TRPM3: variants seen among roughly 807,000 people sequenced by gnomAD.
The protein encoded by TRPM3 is long transient receptor potential channel 3.
In TRPM3, 77 loss-of-function variants were observed where a neutral mutation model predicts 181.2. The observed-to-expected ratio is 0.42, with a 90% CI of 0.35 to 0.51. TRPM3 has a LOEUF of 0.51. Ranked by LOEUF, TRPM3 falls within the 20% of genes least tolerant of loss-of-function variation. The pLI is 0.01. For synonymous variants in TRPM3, 745 were observed against 796.4 expected (o/e 0.94, Z 1.09); for missense variants, 1,759 against 2,196.7 (o/e 0.80, Z 3.98).
At chr9:71,113,236 G>C (rs1441258901) in intron 1 of TRPM3, among the ~76,000 whole-genome samples, 1 of 152,086 alleles carries the variant, frequency 6.6e-6, no homozygotes, top group Non-Finnish European at 1.5e-5. Context: ...GACTGATTTT[G>C]GGAACTAGGA....
rs536792227 is a variant in TRPM3 at position 70,695,175 on chromosome 9, C to T, written c.1273-13597G>A. Among the ~76,000 whole-genome samples, 11 of 152,296 alleles carry T rather than the reference C, an allele frequency of 7.2e-5. No homozygotes were observed. In the South Asian group the frequency reaches 1.7e-3, roughly 23 times the overall value. The stretch of plus-strand genomic sequence containing the variant: ...TGGCTCAGAGAGGACAGATTGTGTA[C>T]GGAGCATGGACTTTTGAATCATACA... On this transcript the variant is annotated intron_variant, in intron 8 of 25. Transcript: ENST00000677713.
At chr9:70,785,729 T>C (rs1001170311) in intron 6 of TRPM3, among the ~76,000 whole-genome samples, 5 of 152,224 alleles carry the variant, frequency 3.3e-5, no homozygotes, top group Admixed American at 6.5e-5. Flanking sequence ...AAAGCATAAA[T>C]ACTTTAGTCT....
intron 1 of TRPM3, among the ~76,000 whole-genome samples, chr9:71,211,539 G>T (rs2079508142): frequency 6.6e-6 from 1 of 152,072 alleles, no homozygotes; most frequent in Admixed American, 6.6e-5. Flanking sequence ...AGTTTGAGAG[G>T]CTAGAAGTCC....
chr9:71,278,398 GGGAAA>G (rs2084391374), intron 1 of TRPM3, among the ~76,000 whole-genome samples: 1 of 152,192 alleles, frequency 6.6e-6, no homozygotes, highest in African/African-American at 2.4e-5. Flanking sequence ...AAAGGAGTTA[GGGAAA>G]GGTAAGAGCA....
At chr9:71,412,747 G>A (rs924734967) in intron 1 of TRPM3, among the ~76,000 whole-genome samples, 1 of 151,976 alleles carries the variant, frequency 6.6e-6, no homozygotes, top group Admixed American at 6.6e-5. Context: ...CCCATTACTG[G>A]GTATATACCC....
intron 1 of TRPM3, among the ~76,000 whole-genome samples, chr9:71,394,475 A>G (rs548263585): frequency 1.3e-5 from 2 of 152,354 alleles, no homozygotes; most frequent in African/African-American, 4.8e-5. Flanking sequence ...CTAAAGATAC[A>G]TGGAGACTAC....
intron 1 of TRPM3, among the ~76,000 whole-genome samples, chr9:71,188,226 C>G (rs1465113661): frequency 6.6e-6 from 1 of 151,878 alleles, no homozygotes; most frequent in African/African-American, 2.4e-5. Flanking sequence ...CCAATTTATA[C>G]TTCTGGCAGT....
intron 1 of TRPM3, among the ~76,000 whole-genome samples, chr9:71,221,406 G>T (rs1292991287): frequency 6.6e-6 from 1 of 152,008 alleles, no homozygotes; most frequent in Non-Finnish European, 1.5e-5. Context: ...AAATTTCTAG[G>T]AGCCAAATAA....
chr9:70,634,741 T>C (rs1222812294), intron 12 of TRPM3, among the ~76,000 whole-genome samples: 2 of 152,156 alleles, frequency 1.3e-5, no homozygotes, highest in Non-Finnish European at 2.9e-5. Flanking sequence ...GTTAGAAGAA[T>C]GGAATGCATA....
At chr9:70,992,614 G>A (rs758062369) in intron 1 of TRPM3, among the ~76,000 whole-genome samples, 12 of 152,194 alleles carry the variant, frequency 7.9e-5, no homozygotes, top group African/African-American at 1.2e-4. Context: ...AGCCATATGT[G>A]TGTACTGAGC....
intron 22 of TRPM3, among the ~76,000 whole-genome samples, chr9:70,562,046 G>A (rs192263982): frequency 1.3e-5 from 2 of 152,220 alleles, no homozygotes; most frequent in East Asian, 3.8e-4. Flanking sequence ...TTATTTTGTG[G>A]TTATCCTCTA....
intron 1 of TRPM3, among the ~76,000 whole-genome samples, chr9:70,998,184 CATATATACACATATATACAT>C (rs1353197989): frequency 1.4e-5 from 2 of 143,296 alleles, no homozygotes; most frequent in Non-Finnish European, 3.0e-5. Context: ...CATATATATA[CATATATACACATATATACAT>C]ATATATACAC....
chr9:71,377,506 A>T (rs1433604549), intron 1 of TRPM3, among the ~76,000 whole-genome samples: 1 of 152,044 alleles, frequency 6.6e-6, no homozygotes, highest in Admixed American at 6.6e-5. Flanking sequence ...GAACCAACTT[A>T]CCATGAGACA....
At chr9:71,043,409 T>A (rs1379648397) in intron 1 of TRPM3, among the ~76,000 whole-genome samples, 1 of 152,168 alleles carries the variant, frequency 6.6e-6, no homozygotes, top group African/African-American at 2.4e-5. Context: ...TAGCAAGAAA[T>A]GACTAGTGAT....
chr9:70,776,619 C>T, intron 7 of TRPM3: 1 of 544,066 alleles, frequency 1.8e-6, no homozygotes, highest in Non-Finnish European at 3.2e-6. Flanking sequence ...TATGGCACAG[C>T]TTGCTTTTCA....
At chr9:70,846,726 T>G in intron 3 of TRPM3, 135 bp from the exon 4 acceptor site, 1 of 662,152 alleles carries the variant, frequency 1.5e-6, no homozygotes, top group Non-Finnish European at 2.6e-6. Context: ...TTAAAAGGGG[T>G]GATCATTTGC....
exon 1 of TRPM3, chr9:71,446,823 A>G (rs2094210437): frequency 6.5e-7 from 1 of 1,544,994 alleles, no homozygotes; most frequent in Non-Finnish European, 8.7e-7. Context: ...GCATCCCTCC[A>G]CTTCTTCCCC....
rs1588984553 is a variant in TRPM3, at chr9:70,831,983, A to ATATATT, written c.802-3966_802-3965insAATATA. Among the ~76,000 whole-genome samples, 14 of 103,416 alleles carry ATATATT rather than the reference A, an allele frequency of 1.4e-4. 1 individual carries two copies. Among genetic ancestry groups the ATATATT allele is most frequent in the East Asian group, 4.3e-4 (2 of 4,658 alleles). 67.8% of individuals were successfully genotyped at this position (103,416 alleles called of 152,430 possible). A position where few individuals can be genotyped will look rare whatever the true frequency, so the allele number is the denominator to read the frequency against. On this transcript the variant is annotated intron_variant, in intron 5 of 25. Coordinates refer to ENST00000677713, the MANE Select transcript of TRPM3 (RefSeq NM_001366145.2). ...CATAAATATATATATATATATATATATATATATATATATACCTACTATGTA... is the reference window on the plus strand; with the variant it reads ...CATAAATATATATATATATATATATATATATTTATATATATATATACCTACTATGTA...
chr9:71,356,961 A>G (rs2091923045), intron 1 of TRPM3, among the ~76,000 whole-genome samples: 1 of 152,176 alleles, frequency 6.6e-6, no homozygotes, highest in Non-Finnish European at 1.5e-5. Context: ...TTTGACAAAG[A>G]GAAATTTGTT....
Sources: allele counts gnomAD v4.1 joint callset (sites outside exome capture counted in the v4.1 genomes callset), GRCh38; gene constraint gnomAD v4.1.1; transcripts MANE v1.5; gene names NCBI Gene and HGNC (gene_info 2026-07-23, HGNC 2026-07-21).